REV3L: variants seen among roughly 807,000 people sequenced by gnomAD.
The protein encoded by REV3L is DNA polymerase zeta catalytic subunit.
In REV3L, 69 loss-of-function variants were observed where a neutral mutation model predicts 299.4. That is an observed-to-expected ratio of 0.23 (90% confidence interval 0.19 to 0.28). The LOEUF (loss-of-function observed/expected upper bound fraction) is 0.28, where lower values mean the gene tolerates loss of function less well. Ranked by LOEUF, REV3L falls within the 10% of genes least tolerant of loss-of-function variation. The pLI, the probability that REV3L is intolerant of heterozygous loss-of-function variation, is 1.00. For synonymous variants in REV3L, 1,238 were observed against 1,271.4 expected (o/e 0.97, Z 0.56); for missense variants, 3,128 against 3,693.8 (o/e 0.85, Z 3.97).
At chr6:111,322,543 C>A (rs1479207242) in intron 26 of REV3L, 26 bp downstream of exon 26, 1 of 1,537,812 alleles carries the variant, frequency 6.5e-7, no homozygotes, top group South Asian at 1.1e-5. Context: ...ATGCAAAAGA[C>A]AACTACAAAA....
chr6:111,347,559 T>C (rs1562159573), intron 20 of REV3L, among the ~76,000 whole-genome samples: 1 of 152,194 alleles, frequency 6.6e-6, no homozygotes, highest in Non-Finnish European at 1.5e-5. Context: ...AAGTGTCTAA[T>C]GAGAAAGTAG....
intron 26 of REV3L, 149 bp downstream of exon 26, chr6:111,322,420 T>C (rs903501191): frequency 5.0e-6 from 3 of 594,920 alleles, no homozygotes; most frequent in Non-Finnish European, 6.0e-6. Flanking sequence ...AATCAGGATC[T>C]GTGTTAACTC....
At chr6:111,310,488 A>G (rs1302911471) in intron 29 of REV3L, 1 of 157,692 alleles carries the variant, frequency 6.3e-6, no homozygotes, top group Non-Finnish European at 1.4e-5. Flanking sequence ...CCCCATCTCC[A>G]CAAAAAAATT....
chr6:111,444,214 G>A (rs1274604591), intron 1 of REV3L, among the ~76,000 whole-genome samples: 2 of 152,202 alleles, frequency 1.3e-5, no homozygotes, highest in South Asian at 4.1e-4. Context: ...ATTGCATAGT[G>A]CTAGACCAAG....
At chr6:111,440,602 CTAT>C (rs1788152525) in intron 1 of REV3L, among the ~76,000 whole-genome samples, 1 of 152,068 alleles carries the variant, frequency 6.6e-6, no homozygotes, top group African/African-American at 2.4e-5. Flanking sequence ...TGCATTACTG[CTAT>C]TATTATTTTG....
Position 111,482,799 on chromosome 6 carries a change from G to A in REV3L, c.90C>T (p.Ala30=), listed in dbSNP as rs763523281. ...GCACCACCGGCACCTTCTTGACAGG[G>A]GCCTGGGTGAGGGGGGATTGGCAGG... ...LDTCQSPLTQ[A]PVKKVPVVRV... The change falls in exon 1 of 32, where the codon GCC becomes GCT. Residue 30 remains alanine, a synonymous_variant. Coordinates refer to ENST00000368802, the MANE Select transcript of REV3L (RefSeq NM_001372078.1). The A allele has an allele frequency of 2.0e-6, 3 of 1,502,444 alleles. No individual in the cohort carries two copies. The highest frequency in any genetic ancestry group is 2.7e-6 in the Non-Finnish European group (3 of 1,128,450). The allele number at this position is 1,502,444 out of a possible 1,614,324, so 93.1% of individuals were successfully genotyped here.
At position 111,394,397 on chromosome 6, in the gene REV3L, A is replaced by G. The variant is rs1269957896; in HGVS notation, c.566-1425T>C. 2.6e-5 allele frequency among the ~76,000 whole-genome samples: 4 copies of G among 152,254 alleles called. No individual in the cohort carries two copies. The East Asian group carries it at 7.7e-4, about 29-fold the overall frequency. ...TCTCCCTGATGATTAGTGATGTTGA[A>G]CATTTAAAAAATATACCTGCCGGCC... On this transcript the variant is annotated intron_variant, in intron 4 of 31. Coordinates refer to ENST00000368802, the MANE Select transcript of REV3L (RefSeq NM_001372078.1).
At chr6:111,441,155 A>G (rs75760718) in intron 1 of REV3L, among the ~76,000 whole-genome samples, 4 of 152,130 alleles carry the variant, frequency 2.6e-5, no homozygotes, top group Non-Finnish European at 4.4e-5. Flanking sequence ...GGTATTCTTC[A>G]TTTCTGTTAT....
At chr6:111,328,143 C>T (rs1775028786) in intron 25 of REV3L, among the ~76,000 whole-genome samples, 1 of 152,130 alleles carries the variant, frequency 6.6e-6, no homozygotes, top group Non-Finnish European at 1.5e-5. Flanking sequence ...GAAATTAAGT[C>T]ATTCTATGAA....
At chr6:111,346,253 A>C (rs1378509687) in intron 20 of REV3L, among the ~76,000 whole-genome samples, 1 of 152,210 alleles carries the variant, frequency 6.6e-6, no homozygotes, top group African/African-American at 2.4e-5. Flanking sequence ...ATTCTTGAAA[A>C]GCCTAGATTG....
chr6:111,351,139 A>C (rs1388964235), intron 19 of REV3L, among the ~76,000 whole-genome samples: 1 of 152,148 alleles, frequency 6.6e-6, no homozygotes, highest in Non-Finnish European at 1.5e-5. Flanking sequence ...TGGACTTCAA[A>C]ATTTCTGCAA....
upstream of REV3L, chr6:111,483,413 A>G (rs1169178595): frequency 2.4e-6 from 1 of 416,328 alleles, no homozygotes; most frequent in East Asian, 4.0e-5. Context: ...GGCGGCCGGC[A>G]GCGCCCGCGC....
At chr6:111,393,148 C>A (rs982250688) in intron 4 of REV3L, among the ~76,000 whole-genome samples, 176 bp from the exon 5 acceptor site, 2 of 151,992 alleles carry the variant, frequency 1.3e-5, no homozygotes, top group Admixed American at 1.3e-4. Context: ...CGCCATTCTC[C>A]TGCCACAGTC....
intron 2 of REV3L, chr6:111,411,955 GA>G: frequency 3.0e-6 from 3 of 984,690 alleles, no homozygotes; most frequent in Non-Finnish European, 3.6e-6. Context: ...ACATATGAGA[GA>G]AACAGACCTT....
chr6:111,421,613 G>GT (rs879402414), intron 1 of REV3L, among the ~76,000 whole-genome samples: 6,815 of 144,834 alleles, frequency 0.047, 235 homozygotes, highest in African/African-American at 0.094. Context: ...GAATAGAAAA[G>GT]TTTTTTTTTT....
intron 1 of REV3L, among the ~76,000 whole-genome samples, chr6:111,477,326 T>C (rs1039703474): frequency 2.0e-5 from 3 of 152,170 alleles, no homozygotes; most frequent in Admixed American, 2.0e-4. Flanking sequence ...AAGAAACACA[T>C]TATCAGGATT....
At chr6:111,406,065 AAAC>A (rs1165841059) in intron 3 of REV3L, among the ~76,000 whole-genome samples, 4 of 152,154 alleles carry the variant, frequency 2.6e-5, no homozygotes, top group Non-Finnish European at 5.9e-5. Flanking sequence ...TGACGAATAC[AAAC>A]AACAGACAAT....
intron 5 of REV3L, among the ~76,000 whole-genome samples, chr6:111,390,399 T>C (rs776781292): frequency 2.6e-5 from 4 of 152,154 alleles, no homozygotes; most frequent in Admixed American, 6.5e-5. Context: ...CTAGATCCTT[T>C]TGAAGTAAAT....
At chr6:111,403,685 G>C (rs1783326137) in intron 4 of REV3L, among the ~76,000 whole-genome samples, 1 of 152,084 alleles carries the variant, frequency 6.6e-6, no homozygotes. Context: ...CTACGATATT[G>C]AAATTAGGCA....
Sources: gnomAD v4.1 joint callset for allele counts (sites outside exome capture counted in the v4.1 genomes callset) on GRCh38, gnomAD v4.1.1 for gene constraint, MANE v1.5 for transcripts, NCBI Gene and HGNC (gene_info 2026-07-23, HGNC 2026-07-21) for gene names.